Variants in ADAM22 observed in about 807,000 individuals in gnomAD.
The protein encoded by ADAM22 is ADAM metallopeptidase domain 22, also known as disintegrin and metalloproteinase domain-containing protein 22.
ADAM22 carries 65 observed loss-of-function variants against 144.6 expected under a neutral mutation model. The observed-to-expected ratio is 0.45, with a 90% confidence interval of 0.37 to 0.55. ADAM22 has a LOEUF of 0.55. Ranked by LOEUF, ADAM22 falls within the 20% of genes least tolerant of loss-of-function variation. The pLI is 0.00. For synonymous variants in ADAM22, 391 were observed against 412.6 expected (o/e 0.95, Z 0.63); for missense variants, 974 against 1,184.9 (o/e 0.82, Z 2.61).
intron 3 of ADAM22, among the ~76,000 whole-genome samples, chr7:88,024,701 C>A (rs998717125): frequency 7.8e-6 from 1 of 128,010 alleles, no homozygotes; most frequent in Admixed American, 8.4e-5. Context: ...TCCCTCCCCC[C>A]TCCCCCCACC....
chr7:88,193,326 T>A (rs899595329), intron 31 of ADAM22, 87 bp downstream of exon 31: 17 of 1,426,428 alleles, frequency 1.2e-5, no homozygotes, highest in Non-Finnish European at 1.6e-5. Flanking sequence ...GAACCATTTT[T>A]CCTCCCTTGT....
At chr7:88,087,415 A>T (rs1161907521) in intron 4 of ADAM22, among the ~76,000 whole-genome samples, 1 of 152,176 alleles carries the variant, frequency 6.6e-6, no homozygotes, top group African/African-American at 2.4e-5. Context: ...GAATGGTAAA[A>T]GACACACTCC....
At chr7:87,952,885 T>C (rs1232786278) in intron 2 of ADAM22, among the ~76,000 whole-genome samples, 4 of 152,122 alleles carry the variant, frequency 2.6e-5, no homozygotes, top group Non-Finnish European at 4.4e-5. Context: ...GTGTATGTGT[T>C]GAGGAATTTA....
At chr7:88,026,848 TACTA>T (rs1799135975) in intron 3 of ADAM22, among the ~76,000 whole-genome samples, 1 of 152,340 alleles carries the variant, frequency 6.6e-6, no homozygotes, top group East Asian at 1.9e-4. Flanking sequence ...TTCAGTATGG[TACTA>T]ACTGTGGGTC....
intron 18 of ADAM22, 22 bp from the exon 19 acceptor site, chr7:88,150,959 A>T (rs1838179155): frequency 1.9e-6 from 3 of 1,601,970 alleles, no homozygotes. Flanking sequence ...CATTTCATTC[A>T]TAGTTGTTCT....
chr7:87,995,108 G>A (rs1253728742), intron 3 of ADAM22, among the ~76,000 whole-genome samples: 8 of 152,148 alleles, frequency 5.3e-5, no homozygotes, highest in South Asian at 2.1e-4. Context: ...TTGAGCCACC[G>A]CGTTAACTGG....
intron 3 of ADAM22, among the ~76,000 whole-genome samples, chr7:87,988,532 G>A (rs145212342): frequency 3.3e-5 from 5 of 152,204 alleles, no homozygotes; most frequent in East Asian, 1.9e-4. Context: ...GTGTTTTATC[G>A]GAAGGTATTT....
chr7:88,155,762 C>T (rs1008368317), intron 21 of ADAM22, 125 bp from the exon 22 acceptor site: 8 of 1,097,356 alleles, frequency 7.3e-6, no homozygotes, highest in Non-Finnish European at 8.9e-6. Flanking sequence ...TTTTATTTCA[C>T]TTGGCATATG....
chr7:88,174,122 C>T (rs1489747561), intron 26 of ADAM22, among the ~76,000 whole-genome samples: 1 of 152,110 alleles, frequency 6.6e-6, no homozygotes, highest in Non-Finnish European at 1.5e-5. Flanking sequence ...CTGGAGAGGA[C>T]AGGCAAGTAG....
At position 88,153,613 on chromosome 7, in the gene ADAM22, C is replaced by T. The variant is rs1014888435; in HGVS notation, c.1787+287C>T. Among the ~76,000 whole-genome samples, 5 of 152,168 alleles carry T rather than the reference C, an allele frequency of 3.3e-5. No individual in the cohort carries two copies. The East Asian group carries it at 5.8e-4, about 18-fold the overall frequency. ...CAAAGGCAAAAGAACTTAAAGCCAC[C>T]AGAATATGCACTGAGTGCTGTTGAA... On this transcript the variant is annotated intron_variant, in intron 21 of 31. Coordinates refer to ENST00000413139, the MANE Select transcript of ADAM22 (RefSeq NM_001324418.2).
intron 4 of ADAM22, chr7:88,090,093 T>C (rs376112827): frequency 1.3e-5 from 2 of 152,352 alleles, no homozygotes; most frequent in African/African-American, 4.8e-5. Context: ...TTGATTAAAA[T>C]GATCACAAAC....
At chr7:88,166,799 A>G (rs190733400) in intron 24 of ADAM22, among the ~76,000 whole-genome samples, 26 of 152,260 alleles carry the variant, frequency 1.7e-4, no homozygotes, top group Non-Finnish European at 3.1e-4. Context: ...CAAAGACAAT[A>G]ATATTTAGAT....
intron 2 of ADAM22, among the ~76,000 whole-genome samples, chr7:87,942,726 A>G (rs1252239292): frequency 6.6e-6 from 1 of 152,152 alleles, no homozygotes; most frequent in Non-Finnish European, 1.5e-5. Context: ...CACGTGTCCT[A>G]TTTGTTTGTA....
At chr7:87,968,861 T>C (rs757796621) in intron 2 of ADAM22, among the ~76,000 whole-genome samples, 1 of 152,216 alleles carries the variant, frequency 6.6e-6, no homozygotes, top group Non-Finnish European at 1.5e-5. Flanking sequence ...CTTTTGCTTC[T>C]GGGGAGACCT....
At chr7:88,194,667 T>C (rs1258517694) in intron 31 of ADAM22, among the ~76,000 whole-genome samples, 1 of 152,214 alleles carries the variant, frequency 6.6e-6, no homozygotes, top group African/African-American at 2.4e-5. Flanking sequence ...CCCTCCCTTC[T>C]TTCTCCTGTC....
At chr7:88,194,480 C>G (rs563617820) in intron 31 of ADAM22, among the ~76,000 whole-genome samples, 8 of 152,266 alleles carry the variant, frequency 5.3e-5, no homozygotes, top group African/African-American at 1.9e-4. Context: ...TCTGGGCTGT[C>G]TCTGTGGGCT....
At chr7:87,984,881 A>G (rs1854573852) in intron 3 of ADAM22, among the ~76,000 whole-genome samples, 1 of 151,974 alleles carries the variant, frequency 6.6e-6, no homozygotes, top group South Asian at 2.1e-4. Flanking sequence ...GGGTTTCACC[A>G]TGTTGCACAG....
At chr7:88,045,888 T>TTTTGTGTG (rs1491121186) in intron 3 of ADAM22, among the ~76,000 whole-genome samples, 3 of 133,926 alleles carry the variant, frequency 2.2e-5, no homozygotes, top group South Asian at 5.4e-4. Context: ...TCGTATTCTA[T>TTTTGTGTG]TGTGTGTGTG....
At chr7:88,174,255 C>T in intron 26 of ADAM22, among the ~76,000 whole-genome samples, 1 of 152,052 alleles carries the variant, frequency 6.6e-6, no homozygotes, top group East Asian at 1.9e-4. Flanking sequence ...AGATGTGAAG[C>T]AGACCCACGT....
Sources: gnomAD v4.1 joint callset for allele counts (sites outside exome capture counted in the v4.1 genomes callset) on GRCh38, gnomAD v4.1.1 for gene constraint, MANE v1.5 for transcripts, NCBI Gene and HGNC (gene_info 2026-07-23, HGNC 2026-07-21) for gene names.